The following SYT9 variants were observed in gnomAD, a reference collection of about 807,000 sequenced individuals.
SYT9 encodes the protein synaptotagmin 9.
SYT9 carries 22 observed loss-of-function variants against 48.4 expected under a neutral mutation model. That is an observed-to-expected ratio of 0.45 (90% CI 0.32 to 0.65). The LOEUF (loss-of-function observed/expected upper bound fraction) is 0.65, where lower values mean the gene tolerates loss of function less well. Among genes scored for constraint, SYT9 ranks in the 30% least tolerant of loss-of-function variants. SYT9 has a pLI of 0.03. For missense variants in SYT9, 577 were observed against 622.0 expected (o/e 0.93, Z 0.77); for synonymous variants, 265 against 245.0 (o/e 1.08, Z -0.76).
chr11:7,279,324 T>C (rs1007398140), intron 1 of SYT9, among the ~76,000 whole-genome samples: 1 of 152,188 alleles, frequency 6.6e-6, no homozygotes, highest in East Asian at 1.9e-4. Flanking sequence ...AATATTTTTA[T>C]TGGGCAGTTT....
At chr11:7,384,147 A>G (rs1850615300) in intron 3 of SYT9, among the ~76,000 whole-genome samples, 2 of 151,934 alleles carry the variant, frequency 1.3e-5, no homozygotes, top group African/African-American at 4.8e-5. Flanking sequence ...ACACTTGTGG[A>G]GATAATTATT....
intron 6 of SYT9, among the ~76,000 whole-genome samples, chr11:7,446,076 C>T (rs1431210294): frequency 6.6e-6 from 1 of 152,246 alleles, no homozygotes; most frequent in Non-Finnish European, 1.5e-5. Context: ...GAACCAGCCC[C>T]AGGCACAGCA....
intron 6 of SYT9, among the ~76,000 whole-genome samples, chr11:7,451,311 G>C (rs1472700046): frequency 1.3e-5 from 2 of 152,298 alleles, no homozygotes; most frequent in African/African-American, 2.4e-5. Flanking sequence ...GCTGTGTTCT[G>C]TGTGGTTTTC....
At chr11:7,387,090 T>C (rs1170093403) in intron 3 of SYT9, among the ~76,000 whole-genome samples, 1 of 152,126 alleles carries the variant, frequency 6.6e-6, no homozygotes, top group African/African-American at 2.4e-5. Flanking sequence ...TAGGTTGGAA[T>C]TGAACAATGA....
At chr11:7,386,665 T>G (rs1476630019) in intron 3 of SYT9, among the ~76,000 whole-genome samples, 1 of 152,238 alleles carries the variant, frequency 6.6e-6, no homozygotes, top group Middle Eastern at 3.4e-3. Context: ...CTGGAGAGGA[T>G]GTGGAGAAAT....
At chr11:7,446,833 G>A (rs1043214956) in intron 6 of SYT9, among the ~76,000 whole-genome samples, 5 of 152,176 alleles carry the variant, frequency 3.3e-5, no homozygotes, top group African/African-American at 1.2e-4. Flanking sequence ...GCCCACTTTG[G>A]TCCCTGGTCA....
chr11:7,337,651 T>C (rs1849651585), intron 3 of SYT9, among the ~76,000 whole-genome samples: 1 of 152,354 alleles, frequency 6.6e-6, no homozygotes, highest in Admixed American at 6.5e-5. Context: ...ATTCTGTTTA[T>C]GTGATTAATC....
intron 1 of SYT9, among the ~76,000 whole-genome samples, chr11:7,287,508 A>G (rs887190904): frequency 5.3e-5 from 8 of 152,238 alleles, no homozygotes; most frequent in African/African-American, 1.9e-4. Flanking sequence ...AGCAATGTCT[A>G]CTTCTTCTCA....
intron 1 of SYT9, among the ~76,000 whole-genome samples, chr11:7,279,654 T>C (rs1848458140): frequency 6.6e-6 from 1 of 152,212 alleles, no homozygotes; most frequent in Admixed American, 6.5e-5. Context: ...ATCTATACTT[T>C]TAACAAGCTT....
intron 6 of SYT9, chr11:7,454,129 C>T (rs550723449): frequency 8.1e-6 from 8 of 985,432 alleles, no homozygotes; most frequent in East Asian, 2.3e-4. Flanking sequence ...CCTTTCCTTG[C>T]TACCTACCTG....
chr11:7,319,192 CTTTTTTTTT>C (rs71056795), intron 3 of SYT9, among the ~76,000 whole-genome samples: 1 of 86,188 alleles, frequency 1.2e-5, no homozygotes, highest in Non-Finnish European at 2.2e-5. Flanking sequence ...TCTTCTTTTT[CTTTTTTTTT>C]TTTTTTTTTT....
intron 1 of SYT9, among the ~76,000 whole-genome samples, chr11:7,296,484 G>C (rs1848810082): frequency 6.6e-6 from 1 of 152,174 alleles, no homozygotes; most frequent in African/African-American, 2.4e-5. Context: ...GGTGTGTATG[G>C]ATCTAAGTTC....
At chr11:7,394,802 G>C (rs902679006) in intron 3 of SYT9, among the ~76,000 whole-genome samples, 1 of 152,062 alleles carries the variant, frequency 6.6e-6, no homozygotes, top group African/African-American at 2.4e-5. Context: ...CTATCTTCTT[G>C]ATGTAGGTGT....
chr11:7,426,842 G>T (rs757060396), intron 6 of SYT9, among the ~76,000 whole-genome samples: 14 of 152,052 alleles, frequency 9.2e-5, no homozygotes, highest in Non-Finnish European at 1.8e-4. Context: ...AGCATGTAAG[G>T]AAACATTTGG....
intron 6 of SYT9, among the ~76,000 whole-genome samples, chr11:7,448,585 T>C (rs765152215): frequency 3.9e-5 from 6 of 152,258 alleles, no homozygotes; most frequent in Non-Finnish European, 7.3e-5. Flanking sequence ...CACGTCAATC[T>C]ACGCTGAAAA....
At chr11:7,408,284 A>C (rs1847062250) in intron 3 of SYT9, among the ~76,000 whole-genome samples, 1 of 152,138 alleles carries the variant, frequency 6.6e-6, no homozygotes, top group Non-Finnish European at 1.5e-5. Context: ...ATGTGCCACC[A>C]TGCCCGGCTA....
In SYT9 at chr11:7,316,293, G is replaced by A. The variant is rs181492722; in HGVS notation, c.1044+2352G>A. Among the ~76,000 whole-genome samples the A allele has an allele frequency of 8.5e-4, 129 of 152,064 alleles. 1 individual carries two copies. Among genetic ancestry groups the A allele is most frequent in the African/African-American group, 3.1e-3 (129 of 41,506 alleles). On this transcript the variant is annotated intron_variant, in intron 3 of 6. Transcript: ENST00000318881. ...CCCTCTCAGTCCAGTCCTGCCAAGA[G>A]AAAACCACTATCTTTAATTTTACTT...
At chr11:7,246,404 G>A (rs1216964135) in intron 1 of SYT9, among the ~76,000 whole-genome samples, 1 of 152,204 alleles carries the variant, frequency 6.6e-6, no homozygotes, top group Non-Finnish European at 1.5e-5. Flanking sequence ...GACTTCCTCT[G>A]TCATGCTTTC....
intron 3 of SYT9, among the ~76,000 whole-genome samples, chr11:7,332,282 TG>T (rs758206845): frequency 1.2e-3 from 189 of 152,328 alleles, no homozygotes; most frequent in Non-Finnish European, 2.3e-3. Context: ...TAGTCTTTCA[TG>T]GGCTGTAGGA....
Sources: allele counts gnomAD v4.1 joint callset (sites outside exome capture counted in the v4.1 genomes callset), GRCh38; gene constraint gnomAD v4.1.1; transcripts MANE v1.5; gene names NCBI Gene and HGNC (gene_info 2026-07-23, HGNC 2026-07-21).